ANK2: variants seen among roughly 807,000 people sequenced by gnomAD.
ANK2 encodes the protein ankyrin 2.
Under a neutral mutation model 360.5 loss-of-function variants are expected in ANK2, and 83 were observed. The ratio of observed to expected loss-of-function variants is 0.23; its 90% CI spans 0.19 to 0.28. The LOEUF (loss-of-function observed/expected upper bound fraction) is 0.28. Among genes scored for constraint, ANK2 ranks in the 10% least tolerant of loss-of-function variants. The probability of loss-of-function intolerance (pLI) is 1.00; values close to 1 mark genes in which losing one functional copy is unlikely to be tolerated. For synonymous variants in ANK2, 1,740 were observed against 1,759.5 expected, an observed-to-expected ratio of 0.99 and a Z score of 0.28; for missense variants, 4,201 against 4,795.7, an observed-to-expected ratio of 0.88 and a Z score of 3.66.
At position 113,242,161 on chromosome 4, in the gene ANK2, G is replaced by T. The variant is rs2153573669; in HGVS notation, c.843G>T (p.Met281Ile). 1.9e-6 allele frequency: 3 copies of T among 1,614,030 alleles called. No homozygotes were observed. The highest frequency in any genetic ancestry group is 2.5e-6 in the Non-Finnish European group (3 of 1,179,956). ...HVASKRGNTN[M>I]VKLLLDRGGQ... The stretch of plus-strand genomic sequence containing the variant: ...CTTCCAAAAGAGGAAATACAAACAT[G>T]GTGAAGCTCTTACTGGATCGAGGCG... Residue 281 changes from methionine (M) to isoleucine (I), a missense_variant, in exon 9 of 46, where the codon ATG (methionine) becomes ATT (isoleucine). Coordinates refer to ENST00000357077, the MANE Select transcript of ANK2 (RefSeq NM_001148.6).
At chr4:112,851,075 G>A (rs947702347) in intron 1 of ANK2, among the ~76,000 whole-genome samples, 1 of 152,124 alleles carries the variant, frequency 6.6e-6, no homozygotes, top group Admixed American at 6.5e-5. Context: ...CCAGTAGAGG[G>A]ATACACTAGA....
chr4:112,943,092 T>C (rs980024432), intron 2 of ANK2, among the ~76,000 whole-genome samples: 12 of 152,094 alleles, frequency 7.9e-5, no homozygotes, highest in African/African-American at 2.9e-4. Flanking sequence ...TTAATCTTTC[T>C]TTTTCTTTCT....
At chr4:112,705,790 C>T in the ANK2 span, among the ~76,000 whole-genome samples, 4 of 152,256 alleles carry the variant, frequency 2.6e-5, no homozygotes, top group Admixed American at 2.0e-4. Context: ...TCTCCCGGCG[C>T]CGCCGCTAGA....
At chr4:113,195,793 A>T (rs1043643288) in intron 2 of ANK2, among the ~76,000 whole-genome samples, 44 of 152,214 alleles carry the variant, frequency 2.9e-4, no homozygotes, top group African/African-American at 1.0e-3. Context: ...TTTGTTCTTG[A>T]TTTTTAAAAT....
the ANK2 span, among the ~76,000 whole-genome samples, chr4:112,724,310 C>T: frequency 4.9e-4 from 75 of 152,188 alleles, no homozygotes; most frequent in East Asian, 0.011. Context: ...GGTGATCCGC[C>T]GCCCTCGGCC....
At position 113,333,084 on chromosome 4, in the gene ANK2, G is replaced by T. The variant is rs56173868; in HGVS notation, c.3255G>T (p.Ala1085=). Residue 1085 remains alanine, a synonymous_variant, in exon 29 of 46, where the codon GCG becomes GCT. Transcript: ENST00000357077. ...GPVIVEIPHF[A]ALRGKERELV... ...TGATCGTGGAGATCCCTCACTTTGCGGCCCTTCGAGGAAAGGAAAGGGAAC... is the reference window on the plus strand; with the variant it reads ...TGATCGTGGAGATCCCTCACTTTGCTGCCCTTCGAGGAAAGGAAAGGGAAC... The T allele has an allele frequency of 8.7e-4, 1,398 of 1,614,092 alleles. 3 individuals carry two copies. Among genetic ancestry groups the T allele is most frequent in the Non-Finnish European group, 5.9e-4 (701 of 1,180,012 alleles).
the ANK2 span, among the ~76,000 whole-genome samples, chr4:112,743,286 T>C: frequency 7.2e-4 from 109 of 152,272 alleles, 1 homozygote; most frequent in African/African-American, 2.3e-3. Context: ...TTCATTCTTT[T>C]AATTATTATT....
chr4:113,163,246 C>T (rs2154404392), intron 1 of ANK2, among the ~76,000 whole-genome samples: 1 of 152,156 alleles, frequency 6.6e-6, no homozygotes, highest in South Asian at 2.1e-4. Flanking sequence ...ATAATGTCGA[C>T]TTATTAGAAT....
At chr4:113,217,795 C>T (rs1273514044) in intron 4 of ANK2, among the ~76,000 whole-genome samples, 1 of 152,156 alleles carries the variant, frequency 6.6e-6, no homozygotes, top group African/African-American at 2.4e-5. Flanking sequence ...CACTAAGTCT[C>T]GGTACCGAAC....
intron 2 of ANK2, chr4:112,979,819 A>T (rs1430472678): frequency 1.3e-5 from 2 of 151,924 alleles, no homozygotes; most frequent in African/African-American, 2.4e-5. Context: ...GTTTTTACGG[A>T]CTCAGGAGGG....
chr4:113,348,692 A>G (rs1055263628), intron 36 of ANK2, among the ~76,000 whole-genome samples: 6 of 152,088 alleles, frequency 3.9e-5, no homozygotes, highest in Non-Finnish European at 7.4e-5. Context: ...CTAAGACATT[A>G]TTTGCCTTTT....
chr4:112,824,137 A>G (rs765398209), intron 1 of ANK2, among the ~76,000 whole-genome samples: 3 of 10,220 alleles, frequency 2.9e-4, no homozygotes, highest in Non-Finnish European at 7.0e-4. Flanking sequence ...GGTCTTCAGC[A>G]TCTATCTATC....
chr4:112,748,085 A>C, the ANK2 span, among the ~76,000 whole-genome samples: 1 of 152,174 alleles, frequency 6.6e-6, no homozygotes, highest in African/African-American at 2.4e-5. Flanking sequence ...CAAGTGATTC[A>C]ATATCTGCAG....
In ANK2 at chr4:113,336,589, C is replaced by T. The variant is rs775966082; in HGVS notation, c.3604C>T (p.His1202Tyr). ...IRVGLQAQPM[H>Y]SELVKKILGN... ...TTACTTTGAAAAGGCTCAACCTATG[C>T]ACAGTGAGCTGGTTAAGAAGATCCT... The change falls in exon 31 of 46, where the codon CAC becomes TAC. Residue 1202 changes from histidine to tyrosine, a missense_variant. This residue lies in a region of ANK2 where 1,268 missense variants were observed against 1,650.8 expected (regional missense o/e 0.77). Transcript: ENST00000357077. 1.4e-5 allele frequency: 23 copies of T among 1,613,902 alleles called. No individual in the cohort carries two copies. The highest frequency in any genetic ancestry group is 1.9e-5 in the Non-Finnish European group (23 of 1,179,972).
chr4:113,063,725 C>T (rs1054845736), intron 1 of ANK2, among the ~76,000 whole-genome samples: 1 of 152,054 alleles, frequency 6.6e-6, no homozygotes, highest in Non-Finnish European at 1.5e-5. Flanking sequence ...CATACAAATA[C>T]ATTTTTAAAT....
At chr4:112,969,150 A>G (rs933796727) in intron 2 of ANK2, among the ~76,000 whole-genome samples, 5 of 152,210 alleles carry the variant, frequency 3.3e-5, no homozygotes, top group African/African-American at 1.2e-4. Flanking sequence ...TTTATAGTTA[A>G]TGAATGATGG....
intron 26 of ANK2, among the ~76,000 whole-genome samples, chr4:113,318,934 C>T (rs562119873): frequency 2.6e-4 from 39 of 152,186 alleles, no homozygotes; most frequent in Non-Finnish European, 5.1e-4. Flanking sequence ...GTCTTTAAGA[C>T]ATCCTAAAAA....
intron 4 of ANK2, among the ~76,000 whole-genome samples, chr4:113,226,112 T>C (rs1415202979): frequency 6.6e-6 from 1 of 152,202 alleles, no homozygotes; most frequent in Non-Finnish European, 1.5e-5. Flanking sequence ...CTTGTAATTC[T>C]CACTTCTTGG....
chr4:113,177,357 G>C (rs2098255458), intron 2 of ANK2, among the ~76,000 whole-genome samples: 1 of 152,206 alleles, frequency 6.6e-6, no homozygotes, highest in African/African-American at 2.4e-5. Context: ...TGGGATTACA[G>C]GCGTGAGCCA....
Sources: allele counts gnomAD v4.1 joint callset (sites outside exome capture counted in the v4.1 genomes callset), GRCh38; gene constraint gnomAD v4.1.1; regional missense constraint gnomAD v4.1.1; transcripts MANE v1.5; gene names NCBI Gene and HGNC (gene_info 2026-07-23, HGNC 2026-07-21).